FREM3: variants seen among roughly 807,000 people sequenced by gnomAD.
FREM3 encodes the protein FRAS1 related extracellular matrix 3, also known as FRAS1-related extracellular matrix protein 3.
Under a neutral mutation model 129.1 loss-of-function variants are expected in FREM3, and 105 were observed. That is an observed-to-expected ratio of 0.81 (90% CI 0.69 to 0.96). The LOEUF (loss-of-function observed/expected upper bound fraction) is 0.96. FREM3 is among the 40% of genes least tolerant of loss of function. The pLI is 0.00. For missense variants in FREM3, 2,593 were observed against 2,666.3 expected (o/e 0.97, Z 0.61); for synonymous variants, 1,014 against 1,044.9 (o/e 0.97, Z 0.57).
intron 2 of FREM3, among the ~76,000 whole-genome samples, chr4:143,651,480 T>C (rs997660358): frequency 7.2e-5 from 11 of 152,208 alleles, no homozygotes; most frequent in Non-Finnish European, 1.6e-4. Context: ...TCCAGTGCCC[T>C]GGATGGGGAC....
chr4:143,590,872 C>CT (rs1002185592), intron 6 of FREM3, among the ~76,000 whole-genome samples: 1 of 151,990 alleles, frequency 6.6e-6, no homozygotes, highest in Admixed American at 6.6e-5. Flanking sequence ...TGGTCCTGGT[C>CT]TTTTTTTGGT....
chr4:143,584,996 T>C (rs1345525865), intron 7 of FREM3, among the ~76,000 whole-genome samples: 1 of 152,132 alleles, frequency 6.6e-6, no homozygotes, highest in Non-Finnish European at 1.5e-5. Context: ...TACAATTACA[T>C]GGAAATTAAA....
At chr4:143,621,548 C>G (rs1302895765) in intron 4 of FREM3, among the ~76,000 whole-genome samples, 1 of 152,062 alleles carries the variant, frequency 6.6e-6, no homozygotes, top group Non-Finnish European at 1.5e-5. Flanking sequence ...TAATCTAATT[C>G]ATTAATGAAG....
At position 143,695,615 on chromosome 4, in the gene FREM3, A is replaced by G. The variant is rs1015510651; in HGVS notation, c.5061T>C (p.Ser1687=). 13 of 1,537,134 alleles carry G rather than the reference A, an allele frequency of 8.5e-6. No individual in the cohort carries two copies. The highest frequency in any genetic ancestry group is 2.0e-5 in the Admixed American group (1 of 50,982). ...GACTGTCCTGATCTTCTGCCTTCAG[A>G]GACTTGCTGGTAATCAGGAAGCCCA... ...GHMGFLITSK[S]LKAEDQDSPH... Residue 1687 remains serine (S), a synonymous_variant, in exon 1 of 8, where the codon TCT becomes TCC. Transcript: ENST00000329798.
intron 5 of FREM3, among the ~76,000 whole-genome samples, chr4:143,615,656 T>G (rs539021780): frequency 5.3e-5 from 8 of 152,106 alleles, no homozygotes; most frequent in Non-Finnish European, 1.0e-4. Context: ...GATTCTGGCT[T>G]TTCTGTTCTC....
At chr4:143,638,323 A>G (rs1739267491) in intron 2 of FREM3, among the ~76,000 whole-genome samples, 1 of 152,166 alleles carries the variant, frequency 6.6e-6, no homozygotes, top group African/African-American at 2.4e-5. Flanking sequence ...GCAAAGTGGA[A>G]ATACACTGCG....
At chr4:143,578,094 C>G (rs1207894845) in intron 7 of FREM3, among the ~76,000 whole-genome samples, 1 of 152,262 alleles carries the variant, frequency 6.6e-6, no homozygotes, top group Non-Finnish European at 1.5e-5. Flanking sequence ...CTAGACCAGG[C>G]ACATCACCTT....
In FREM3 at chr4:143,688,197, G is replaced by A. The variant is rs191364935; in HGVS notation, c.5275+4916C>T. Among the ~76,000 whole-genome samples, 300 of 152,236 alleles carry A rather than the reference G, an allele frequency of 2.0e-3. 3 individuals carry two copies. Among genetic ancestry groups the A allele is most frequent in the African/African-American group, 6.9e-3 (288 of 41,546 alleles). Reference sequence around the variant, plus strand: ...ATACAAGAGTAAAGTACACAAATCAGTAGCTCTTCTATACACCAACAGCTA... The same window carrying A: ...ATACAAGAGTAAAGTACACAAATCAATAGCTCTTCTATACACCAACAGCTA... On this transcript the variant is annotated intron_variant, in intron 2 of 7. Transcript: ENST00000329798.
At chr4:143,592,807 TCTC>T (rs1359744766) in intron 6 of FREM3, among the ~76,000 whole-genome samples, 1 of 152,196 alleles carries the variant, frequency 6.6e-6, no homozygotes, top group Non-Finnish European at 1.5e-5. Flanking sequence ...TTGGGGAAGT[TCTC>T]CTGGATAATA....
chr4:143,649,696 G>A (rs1362471780), intron 2 of FREM3, among the ~76,000 whole-genome samples: 1 of 152,048 alleles, frequency 6.6e-6, no homozygotes, highest in Non-Finnish European at 1.5e-5. Context: ...CACCTTGTCT[G>A]TCATTGCAAA....
chr4:143,594,063 G>T (rs4835204), intron 6 of FREM3, among the ~76,000 whole-genome samples: 20,104 of 152,172 alleles, frequency 0.13, 2,657 homozygotes, highest in East Asian at 0.63. Context: ...TGCCGTTTGA[G>T]AAGCCCGTTG....
chr4:143,671,904 G>T (rs1250454034), intron 2 of FREM3, among the ~76,000 whole-genome samples: 1 of 152,188 alleles, frequency 6.6e-6, no homozygotes, highest in Non-Finnish European at 1.5e-5. Flanking sequence ...AAGATTTAAA[G>T]CCATTTATTC....
chr4:143,687,048 T>A (rs1472798901), intron 2 of FREM3, among the ~76,000 whole-genome samples: 1 of 151,906 alleles, frequency 6.6e-6, no homozygotes, highest in Non-Finnish European at 1.5e-5. Flanking sequence ...AAAAATATAT[T>A]TTTTTCAAAG....
chr4:143,689,869 T>C (rs1232132456), intron 2 of FREM3, among the ~76,000 whole-genome samples: 2 of 137,820 alleles, frequency 1.5e-5, no homozygotes, highest in Non-Finnish European at 3.1e-5. Flanking sequence ...CAATGGACTT[T>C]GGGAACTTGG....
intron 2 of FREM3, among the ~76,000 whole-genome samples, chr4:143,644,354 G>A (rs2149846989): frequency 1.3e-5 from 2 of 152,092 alleles, no homozygotes; most frequent in East Asian, 3.9e-4. Context: ...AGGTCATTTA[G>A]TTTTGTATAC....
intron 2 of FREM3, among the ~76,000 whole-genome samples, chr4:143,690,666 A>G (rs764519276): frequency 1.3e-5 from 2 of 152,224 alleles, no homozygotes; most frequent in Admixed American, 6.5e-5. Context: ...CATTTGGGAA[A>G]TCTTTTTAAG....
chr4:143,609,239 C>T (rs1231284440), intron 6 of FREM3, among the ~76,000 whole-genome samples: 2 of 152,126 alleles, frequency 1.3e-5, no homozygotes, highest in African/African-American at 4.8e-5. Context: ...TTCCTTTTCT[C>T]TCCCATTTCT....
intron 5 of FREM3, among the ~76,000 whole-genome samples, chr4:143,615,716 A>AC (rs894519446): frequency 6.8e-6 from 1 of 148,144 alleles, no homozygotes; most frequent in Non-Finnish European, 1.5e-5. Flanking sequence ...TCAAAAAAAA[A>AC]ACAAAAACCC....
intron 5 of FREM3, 48 bp downstream of exon 5, chr4:143,620,989 G>A: frequency 6.6e-7 from 1 of 1,524,786 alleles, no homozygotes; most frequent in Non-Finnish European, 8.8e-7. Flanking sequence ...CCACAGTCTT[G>A]TTCTCATCAT....
Sources: gnomAD v4.1 joint callset for allele counts (sites outside exome capture counted in the v4.1 genomes callset) on GRCh38, gnomAD v4.1.1 for gene constraint, MANE v1.5 for transcripts, NCBI Gene and HGNC (gene_info 2026-07-23, HGNC 2026-07-21) for gene names.